Variants in NTRK2 observed in about 807,000 individuals in gnomAD.
The protein encoded by NTRK2 is BDNF/NT-3 growth factors receptor.
A neutral mutation model predicts 94.5 loss-of-function variants in NTRK2; 13 were observed. The ratio of observed to expected loss-of-function variants is 0.14; its 90% CI spans 0.09 to 0.22. NTRK2 has a LOEUF of 0.22. NTRK2 is among the 10% of genes least tolerant of loss of function. The pLI is 1.00. For missense variants in NTRK2, 639 were observed against 1,071.2 expected, an observed-to-expected ratio of 0.60 and a Z score of 5.63; for synonymous variants, 372 against 407.4, an observed-to-expected ratio of 0.91 and a Z score of 1.05.
At chr9:84,858,961 C>T (rs1466819603) in intron 12 of NTRK2, among the ~76,000 whole-genome samples, 1 of 152,120 alleles carries the variant, frequency 6.6e-6, no homozygotes, top group Non-Finnish European at 1.5e-5. Flanking sequence ...AGTGTATCAG[C>T]CTCCCTGAAT....
chr9:84,969,370 G>T (rs1825930103), intron 17 of NTRK2, among the ~76,000 whole-genome samples: 1 of 152,374 alleles, frequency 6.6e-6, no homozygotes, highest in Middle Eastern at 3.4e-3. Context: ...TGTGGCGTAA[G>T]CCACACACAT....
intron 12 of NTRK2, among the ~76,000 whole-genome samples, chr9:84,781,295 A>G (rs978999870): frequency 6.6e-6 from 1 of 152,200 alleles, no homozygotes; most frequent in Non-Finnish European, 1.5e-5. Context: ...GAGAACATAC[A>G]ACTGAACACC....
At chr9:85,012,433 T>C (rs530233269) in intron 17 of NTRK2, among the ~76,000 whole-genome samples, 1 of 152,330 alleles carries the variant, frequency 6.6e-6, no homozygotes, top group South Asian at 2.1e-4. Context: ...TCCATCACCT[T>C]TAGGCTTCCT....
At chr9:84,832,708 A>G (rs115624805) in intron 12 of NTRK2, among the ~76,000 whole-genome samples, 607 of 152,282 alleles carry the variant, frequency 4.0e-3, no homozygotes, top group African/African-American at 0.014. Flanking sequence ...GCGAAAACAT[A>G]AAGAGGACCT....
chr9:84,924,862 G>A (rs574948270), intron 14 of NTRK2, among the ~76,000 whole-genome samples: 1 of 152,318 alleles, frequency 6.6e-6, no homozygotes, highest in Non-Finnish European at 1.5e-5. Flanking sequence ...GGCATTGGAT[G>A]TTGTATGAGG....
At chr9:84,877,903 G>T (rs1457929149) in intron 14 of NTRK2, 1 of 1,021,328 alleles carries the variant, frequency 9.8e-7, no homozygotes, top group Admixed American at 5.8e-5. Context: ...CATATATGTG[G>T]TCTCTGTTGC....
chr9:84,709,801 G>A (rs142765145), intron 5 of NTRK2, among the ~76,000 whole-genome samples: 2,349 of 152,104 alleles, frequency 0.015, 49 homozygotes, highest in South Asian at 0.034. Flanking sequence ...TTTTCCTTGT[G>A]GTTTTTATTT....
intron 17 of NTRK2, among the ~76,000 whole-genome samples, chr9:85,014,138 AAC>A (rs1309419262): frequency 1.3e-5 from 2 of 152,180 alleles, no homozygotes; most frequent in African/African-American, 2.4e-5. Flanking sequence ...GACTAAATGC[AAC>A]ATTTGGGTCT....
chr9:84,792,322 G>A (rs2068815153), intron 12 of NTRK2, among the ~76,000 whole-genome samples: 1 of 152,180 alleles, frequency 6.6e-6, no homozygotes, highest in Non-Finnish European at 1.5e-5. Flanking sequence ...TTCATAAAAT[G>A]CCTGTAATAA....
intron 2 of NTRK2, among the ~76,000 whole-genome samples, chr9:84,690,121 A>C (rs1427396809): frequency 1.3e-5 from 2 of 152,214 alleles, no homozygotes; most frequent in African/African-American, 4.8e-5. Context: ...GCTGAAGATA[A>C]AATGGGAAGT....
intron 11 of NTRK2, among the ~76,000 whole-genome samples, chr9:84,748,100 G>C (rs1009221418): frequency 2.0e-5 from 3 of 152,114 alleles, no homozygotes; most frequent in African/African-American, 7.2e-5. Flanking sequence ...TTGCAGGGGA[G>C]GGCAGATCTC....
At position 84,873,735 on chromosome 9, in the gene NTRK2, A is replaced by G. The variant is rs1421122398; in HGVS notation, c.1633+6304A>G. 3 of 1,056,696 alleles carry G rather than the reference A, an allele frequency of 2.8e-6. No individual in the cohort carries two copies. The African/African-American group carries it at 5.0e-5, about 17-fold the overall frequency. The allele number at this position is 1,056,696 out of a possible 1,614,324, so 65.5% of individuals were successfully genotyped here. A position where few individuals can be genotyped will look rare whatever the true frequency, so the allele number is the denominator to read the frequency against. ...TTTCAAGCACACTCACAGTGAAGTAAAATCATGTTTTTAGCATCTGACCAT... is the reference window on the plus strand; with the variant it reads ...TTTCAAGCACACTCACAGTGAAGTAGAATCATGTTTTTAGCATCTGACCAT... On this transcript the variant is annotated intron_variant, in intron 14 of 18. Transcript: ENST00000277120.
In NTRK2 at chr9:84,810,894, T is replaced by C. The variant is rs1460866586; in HGVS notation, c.1397-50146T>C. 8 of 1,233,290 alleles carry C rather than the reference T, an allele frequency of 6.5e-6. No individual in the cohort carries two copies. The Middle Eastern group carries it at 1.3e-3, about 197-fold the overall frequency. The allele number at this position is 1,233,290 out of a possible 1,614,324, so 76.4% of individuals were successfully genotyped here. ...ACTGAAATGAAATCCCATTGGATTG[T>C]ACTTCTCTTCTGAAAAGTGTGCTTT... On this transcript the variant is annotated intron_variant, in intron 12 of 18. Coordinates refer to ENST00000277120, the MANE Select transcript of NTRK2 (RefSeq NM_006180.6).
intron 12 of NTRK2, among the ~76,000 whole-genome samples, chr9:84,823,197 C>A (rs1029044669): frequency 6.6e-6 from 1 of 151,972 alleles, no homozygotes; most frequent in Non-Finnish European, 1.5e-5. Flanking sequence ...CAACATAAAA[C>A]AACATCTGAA....
Position 84,723,670 on chromosome 9 carries a change from T to C in NTRK2, c.681T>C (p.Asn227=), listed in dbSNP as rs2132023783. 1 of 1,614,160 alleles carries C rather than the reference T, an allele frequency of 6.2e-7. No homozygotes were observed. The highest frequency in any genetic ancestry group is 8.5e-7 in the Non-Finnish European group (1 of 1,179,988). Residue 227 remains asparagine, a synonymous_variant, in exon 7 of 19, where the codon AAT becomes AAC. Transcript: ENST00000277120. The stretch of plus-strand genomic sequence containing the variant: ...GTGTGGCAGGTGATCCGGTTCCTAA[T>C]ATGTATTGGGATGTTGGTAACCTGG... ...SCSVAGDPVP[N]MYWDVGNLVS...
chr9:84,814,013 G>A (rs201379822), intron 12 of NTRK2: 9 of 1,065,210 alleles, frequency 8.4e-6, no homozygotes, highest in East Asian at 1.0e-4. Flanking sequence ...GGCTAAGAAA[G>A]GTTCATCTCA....
intron 17 of NTRK2, among the ~76,000 whole-genome samples, chr9:84,956,644 G>A (rs116357442): frequency 0.01 from 1,541 of 152,254 alleles, 38 homozygotes; most frequent in African/African-American, 0.035. Context: ...TAATAGGGTA[G>A]GGCTGGTGAA....
chr9:84,727,209 G>T (rs557912922), intron 8 of NTRK2, among the ~76,000 whole-genome samples: 3 of 152,066 alleles, frequency 2.0e-5, no homozygotes, highest in Admixed American at 6.5e-5. Context: ...AATTTTAAAA[G>T]TCATTTTTGT....
intron 12 of NTRK2, among the ~76,000 whole-genome samples, chr9:84,836,773 G>A (rs1034732455): frequency 2.0e-5 from 3 of 149,514 alleles, no homozygotes; most frequent in Admixed American, 6.7e-5. Flanking sequence ...ATATTTCTGC[G>A]GTGGCACTGA....
Sources: allele counts gnomAD v4.1 joint callset (sites outside exome capture counted in the v4.1 genomes callset), GRCh38; gene constraint gnomAD v4.1.1; transcripts MANE v1.5; gene names NCBI Gene and HGNC (gene_info 2026-07-23, HGNC 2026-07-21).